The following GPR39 variants were observed in gnomAD, a reference collection of about 807,000 sequenced individuals.
GPR39 encodes G protein-coupled receptor 39, also known as zinc sensing receptor.
GPR39 carries 23 observed loss-of-function variants against 18.4 expected under a neutral mutation model. The ratio of observed to expected loss-of-function variants is 1.25; its 90% CI spans 0.90 to 1.77. GPR39 has a LOEUF of 1.77. Among genes scored for constraint, GPR39 ranks in the 40% most tolerant of loss-of-function variants. The pLI is 0.00. For synonymous variants in GPR39, 280 were observed against 257.9 expected (o/e 1.09, Z -0.82); for missense variants, 647 against 602.4 (o/e 1.07, Z -0.78).
rs772010994 is a variant in GPR39, at chr2:132,646,036, CCTTCAG to C, written c.*438_*443del. 1.3e-6 allele frequency: 2 copies of C among 1,533,720 alleles called. No individual in the cohort carries two copies. Among genetic ancestry groups the C allele is most frequent in the Admixed American group, 2.0e-5 (1 of 50,638 alleles). On this transcript the variant is annotated 3_prime_UTR_variant, in exon 2 of 2. Coordinates refer to ENST00000329321, the MANE Select transcript of GPR39 (RefSeq NM_001508.3). The stretch of plus-strand genomic sequence containing the variant: ...AACAATGCAGGAGGGGGTGGCATCT[CCTTCAG>C]CTTCAGCAGTGTGCCGAGAAGAGGG...
At chr2:132,448,820 C>T (rs1680583158) in intron 1 of GPR39, among the ~76,000 whole-genome samples, 1 of 152,204 alleles carries the variant, frequency 6.6e-6, no homozygotes, top group Non-Finnish European at 1.5e-5. Flanking sequence ...TTTCTTTAAT[C>T]ATGCGGCAAA....
chr2:132,464,120 A>G (rs1680880640), intron 1 of GPR39, among the ~76,000 whole-genome samples: 1 of 152,258 alleles, frequency 6.6e-6, no homozygotes, highest in South Asian at 2.1e-4. Context: ...GTTAAATTAA[A>G]AATCACGTAG....
At chr2:132,533,915 TC>T (rs1558830006) in intron 1 of GPR39, among the ~76,000 whole-genome samples, 2 of 152,146 alleles carry the variant, frequency 1.3e-5, no homozygotes, top group African/African-American at 2.4e-5. Context: ...GAAATACCAT[TC>T]AGGACATAGG....
At chr2:132,460,099 CAAATG>C (rs530168324) in intron 1 of GPR39, among the ~76,000 whole-genome samples, 70 of 152,280 alleles carry the variant, frequency 4.6e-4, no homozygotes, top group Middle Eastern at 3.4e-3. Flanking sequence ...GAAAAACAAA[CAAATG>C]AAAAACCTGC....
At chr2:132,539,066 T>G (rs1679812806) in intron 1 of GPR39, among the ~76,000 whole-genome samples, 1 of 152,084 alleles carries the variant, frequency 6.6e-6, no homozygotes, top group Non-Finnish European at 1.5e-5. Flanking sequence ...TCCAGGGGTG[T>G]GGATGGTTTT....
At chr2:132,474,605 C>G (rs1288137870) in intron 1 of GPR39, among the ~76,000 whole-genome samples, 2 of 152,172 alleles carry the variant, frequency 1.3e-5, no homozygotes, top group Non-Finnish European at 2.9e-5. Flanking sequence ...TTGTACAAAT[C>G]AAGCAACACC....
At chr2:132,430,428 G>T (rs892303063) in intron 1 of GPR39, among the ~76,000 whole-genome samples, 1 of 152,120 alleles carries the variant, frequency 6.6e-6, no homozygotes, top group African/African-American at 2.4e-5. Flanking sequence ...TTGACTAGAG[G>T]CCACCAAACC....
At chr2:132,606,606 G>C (rs1377918939) in intron 1 of GPR39, among the ~76,000 whole-genome samples, 1 of 152,226 alleles carries the variant, frequency 6.6e-6, no homozygotes, top group African/African-American at 2.4e-5. Flanking sequence ...CAGCTTTGCT[G>C]TCTGCAGTTG....
chr2:132,574,951 C>T (rs555822233), intron 1 of GPR39, among the ~76,000 whole-genome samples: 3 of 152,160 alleles, frequency 2.0e-5, no homozygotes, highest in Non-Finnish European at 2.9e-5. Flanking sequence ...CTGAGGTTTC[C>T]TCCTGAAAGC....
intron 1 of GPR39, among the ~76,000 whole-genome samples, chr2:132,447,381 G>A (rs950363914): frequency 3.3e-5 from 5 of 152,150 alleles, no homozygotes; most frequent in African/African-American, 7.2e-5. Context: ...ATTATCAGGG[G>A]CGCTTTGTTG....
intron 1 of GPR39, among the ~76,000 whole-genome samples, chr2:132,552,740 T>C (rs1680064925): frequency 6.6e-6 from 1 of 151,486 alleles, no homozygotes; most frequent in Non-Finnish European, 1.5e-5. Flanking sequence ...TTTAAAATGC[T>C]CCCTGTGCCT....
At chr2:132,482,807 GTC>G (rs1681259720) in intron 1 of GPR39, among the ~76,000 whole-genome samples, 1 of 152,186 alleles carries the variant, frequency 6.6e-6, no homozygotes, top group South Asian at 2.1e-4. Flanking sequence ...TTATAACAAT[GTC>G]TGTTTCTCCA....
chr2:132,573,198 A>G (rs1680472973), intron 1 of GPR39, among the ~76,000 whole-genome samples: 1 of 152,180 alleles, frequency 6.6e-6, no homozygotes, highest in Admixed American at 6.5e-5. Flanking sequence ...CCAACAGACT[A>G]TGTTGGGAAA....
intron 1 of GPR39, chr2:132,433,854 T>C (rs1245410260): frequency 6.6e-6 from 1 of 151,580 alleles, no homozygotes; most frequent in African/African-American, 2.4e-5. Context: ...GCAGGATTGC[T>C]ATTAGAAATA....
intron 1 of GPR39, among the ~76,000 whole-genome samples, chr2:132,498,401 G>A (rs546994613): frequency 6.6e-6 from 1 of 152,264 alleles, no homozygotes; most frequent in South Asian, 2.1e-4. Context: ...TGCTGCATAT[G>A]CCATTAATTC....
At chr2:132,418,008 C>G in intron 1 of GPR39, 110 bp downstream of exon 1, 1 of 1,330,020 alleles carries the variant, frequency 7.5e-7, no homozygotes, top group Non-Finnish European at 1.0e-6. Flanking sequence ...GAATTGCACA[C>G]TTAAGTTTAC....
At chr2:132,563,432 G>C (rs1050664606) in intron 1 of GPR39, among the ~76,000 whole-genome samples, 1 of 152,124 alleles carries the variant, frequency 6.6e-6, no homozygotes, top group South Asian at 2.1e-4. Context: ...AAACTAGCTC[G>C]GCATGGTGGC....
intron 1 of GPR39, among the ~76,000 whole-genome samples, chr2:132,571,748 A>G (rs1042846816): frequency 6.6e-6 from 1 of 152,148 alleles, no homozygotes; most frequent in African/African-American, 2.4e-5. Context: ...CCTGGCTTTC[A>G]AAGAGATTTC....
At chr2:132,544,390 G>A (rs1183445714) in intron 1 of GPR39, among the ~76,000 whole-genome samples, 1 of 152,196 alleles carries the variant, frequency 6.6e-6, no homozygotes, top group Admixed American at 6.5e-5. Flanking sequence ...CAAAGTCTGG[G>A]TTCTAGTCCC....
Sources: gnomAD v4.1 joint callset for allele counts (sites outside exome capture counted in the v4.1 genomes callset) on GRCh38, gnomAD v4.1.1 for gene constraint, MANE v1.5 for transcripts, NCBI Gene and HGNC (gene_info 2026-07-23, HGNC 2026-07-21) for gene names.